PGAP1: variants seen among roughly 807,000 people sequenced by gnomAD.
PGAP1 encodes GPI inositol-deacylase.
PGAP1 carries 76 observed loss-of-function variants against 127.0 expected under a neutral mutation model. That is an observed-to-expected ratio of 0.60 (90% CI 0.50 to 0.72). PGAP1 has a LOEUF of 0.72. PGAP1 is among the 30% of genes least tolerant of loss of function. PGAP1 has a pLI of 0.00. For missense variants in PGAP1, 982 were observed against 1,071.3 expected, an observed-to-expected ratio of 0.92 and a Z score of 1.16; for synonymous variants, 362 against 366.5, an observed-to-expected ratio of 0.99 and a Z score of 0.14.
chr2:196,890,262 C>T (rs372919535), intron 10 of PGAP1, among the ~76,000 whole-genome samples: 100 of 152,190 alleles, frequency 6.6e-4, no homozygotes, highest in East Asian at 4.4e-3. Context: ...AATAAATGCA[C>T]GCTACAGCAT....
intron 4 of PGAP1, among the ~76,000 whole-genome samples, chr2:196,904,828 C>T (rs1702637591): frequency 6.6e-6 from 1 of 152,128 alleles, no homozygotes; most frequent in Non-Finnish European, 1.5e-5. Flanking sequence ...CTTCATACTT[C>T]TCACCCTGTG....
chr2:196,878,242 C>T (rs1032640200), intron 13 of PGAP1, among the ~76,000 whole-genome samples: 1 of 152,092 alleles, frequency 6.6e-6, no homozygotes, highest in African/African-American at 2.4e-5. Flanking sequence ...TACATAATCA[C>T]ATATCTTGGG....
intron 12 of PGAP1, among the ~76,000 whole-genome samples, chr2:196,883,508 G>A (rs1701798107): frequency 6.6e-6 from 1 of 152,176 alleles, no homozygotes; most frequent in African/African-American, 2.4e-5. Flanking sequence ...AGACCCACCA[G>A]ACAAATGGTA....
intron 1 of PGAP1, among the ~76,000 whole-genome samples, chr2:196,921,634 C>G (rs1260856408): frequency 6.6e-6 from 1 of 152,008 alleles, no homozygotes; most frequent in South Asian, 2.1e-4. Context: ...AGGAAACTAT[C>G]AAATATATCT....
rs533608487 is a variant in PGAP1, at chr2:196,833,835, T to C, written c.*7399A>G. ...ATAATTTGGACCTTAATATAAATTA[T>C]ATCCATTATTTTAAATAAGCACAGT... On this transcript the variant is annotated 3_prime_UTR_variant, in exon 27 of 27. Transcript: ENST00000354764. The C allele has an allele frequency of 3.3e-5, 5 of 152,226 alleles. No homozygotes were observed. The highest frequency in any genetic ancestry group is 1.9e-4 in the East Asian group (1 of 5,190). The allele number at this position is 152,226 out of a possible 1,614,324, so 9.4% of individuals were successfully genotyped here. A position where few individuals can be genotyped will look rare whatever the true frequency, so the allele number is the denominator to read the frequency against.
intron 5 of PGAP1, 114 bp downstream of exon 5, chr2:196,902,471 G>T: frequency 1.2e-6 from 1 of 839,140 alleles, no homozygotes; most frequent in Non-Finnish European, 1.8e-6. Context: ...CCACACAGCA[G>T]TCCAACACCA....
intron 1 of PGAP1, among the ~76,000 whole-genome samples, chr2:196,925,543 C>T (rs1433212123): frequency 6.6e-6 from 1 of 152,064 alleles, no homozygotes; most frequent in Non-Finnish European, 1.5e-5. Context: ...AATTTGTCTG[C>T]GCCTCTTTTT....
chr2:196,879,422 C>T (rs184804712), intron 13 of PGAP1, among the ~76,000 whole-genome samples: 72 of 152,150 alleles, frequency 4.7e-4, no homozygotes, highest in African/African-American at 1.3e-3. Flanking sequence ...CAGCCAGGCG[C>T]GGTGGCTCAC....
chr2:196,860,482 C>T (rs368594995), intron 20 of PGAP1, among the ~76,000 whole-genome samples: 12 of 151,994 alleles, frequency 7.9e-5, no homozygotes, highest in African/African-American at 2.4e-4. Context: ...CGCAATGGGC[C>T]GAGATCATGC....
At chr2:196,863,090 A>C (rs1259780054) in intron 20 of PGAP1, among the ~76,000 whole-genome samples, 1 of 152,204 alleles carries the variant, frequency 6.6e-6, no homozygotes, top group Non-Finnish European at 1.5e-5. Flanking sequence ...AGGATACGGA[A>C]AAAGGGGAAT....
chr2:196,879,542 A>G (rs1701666811), intron 13 of PGAP1, among the ~76,000 whole-genome samples: 1 of 152,174 alleles, frequency 6.6e-6, no homozygotes, highest in Admixed American at 6.5e-5. Context: ...TAAAAATACA[A>G]CAATTAGCTC....
At chr2:196,845,190 A>C (rs752699555) in intron 23 of PGAP1, among the ~76,000 whole-genome samples, 3 of 151,988 alleles carry the variant, frequency 2.0e-5, no homozygotes, top group Non-Finnish European at 4.4e-5. Context: ...TTTTTTAAGA[A>C]GCATATAAAT....
chr2:196,862,842 C>G (rs190336385), intron 20 of PGAP1, among the ~76,000 whole-genome samples: 5 of 152,078 alleles, frequency 3.3e-5, no homozygotes, highest in African/African-American at 9.7e-5. Flanking sequence ...CTCTTGAACC[C>G]GGGAGGTGGA....
chr2:196,878,155 C>T (rs75751952), intron 13 of PGAP1, among the ~76,000 whole-genome samples: 1,536 of 152,170 alleles, frequency 0.01, 23 homozygotes, highest in African/African-American at 0.035. Flanking sequence ...TTCCCTAGTA[C>T]AAGCTGAGGA....
In PGAP1 at chr2:196,893,121, A is replaced by C. The variant is rs1205840780; in HGVS notation, c.1033+19T>G. On this transcript the variant is annotated intron_variant, in intron 8 of 26. Coordinates refer to ENST00000354764, the MANE Select transcript of PGAP1 (RefSeq NM_024989.4). The stretch of plus-strand genomic sequence containing the variant: ...ATGAAATACTTCATTTAAAATTAAA[A>C]TATGTTATTGTCACCAACCTGTTAA... 1 of 1,391,190 alleles carries C rather than the reference A, an allele frequency of 7.2e-7. No individual in the cohort carries two copies. Among genetic ancestry groups the C allele is most frequent in the Non-Finnish European group, 1.0e-6 (1 of 993,220 alleles). 86.2% of individuals were successfully genotyped at this position (1,391,190 alleles called of 1,614,324 possible).
At chr2:196,879,543 C>T (rs2125806134) in intron 13 of PGAP1, among the ~76,000 whole-genome samples, 1 of 152,134 alleles carries the variant, frequency 6.6e-6, no homozygotes, top group South Asian at 2.1e-4. Flanking sequence ...AAAAATACAA[C>T]AATTAGCTCG....
chr2:196,890,068 A>G (rs1702050837), intron 10 of PGAP1, among the ~76,000 whole-genome samples: 1 of 151,880 alleles, frequency 6.6e-6, no homozygotes, highest in Non-Finnish European at 1.5e-5. Flanking sequence ...CAAGTAGCAG[A>G]AACTACAGGT....
chr2:196,870,912 A>C (rs369518879), intron 19 of PGAP1, 29 bp downstream of exon 19: 10 of 1,584,232 alleles, frequency 6.3e-6, no homozygotes, highest in Non-Finnish European at 8.7e-6. Flanking sequence ...AAAGCAGTAA[A>C]TAATCAACCA....
intron 20 of PGAP1, among the ~76,000 whole-genome samples, chr2:196,850,651 G>GGGAA (rs1307814120): frequency 6.6e-6 from 1 of 151,272 alleles, no homozygotes; most frequent in Admixed American, 6.6e-5. Flanking sequence ...GAAGGAAGGA[G>GGGAA]GGAAGGAGGA....
Sources: gnomAD v4.1 joint callset for allele counts (sites outside exome capture counted in the v4.1 genomes callset) on GRCh38, gnomAD v4.1.1 for gene constraint, MANE v1.5 for transcripts, NCBI Gene and HGNC (gene_info 2026-07-23, HGNC 2026-07-21) for gene names.